Variants in C22orf39 observed in about 807,000 individuals in gnomAD.
The protein encoded by C22orf39 is synaptic plasticity regulator PANTS.
Under a neutral mutation model 18.3 loss-of-function variants are expected in C22orf39, and 20 were observed. That is an observed-to-expected ratio of 1.09 (90% CI 0.77 to 1.59). The LOEUF is 1.59. Among genes scored for constraint, C22orf39 ranks in the 40% most tolerant of loss-of-function variants. C22orf39 has a pLI of 0.00. For synonymous variants in C22orf39, 63 were observed against 59.6 expected (o/e 1.06, Z -0.26); for missense variants, 195 against 156.1 (o/e 1.25, Z -1.33).
At chr22:19,447,241 CAAAAG>C (rs981018524) in intron 2 of C22orf39, 132 bp downstream of exon 2, 73 of 979,612 alleles carry the variant, frequency 7.5e-5, no homozygotes, top group Middle Eastern at 3.4e-4. Context: ...CACAATCTCT[CAAAAG>C]AAAGGAAGCG....
chr22:19,446,496 G>A (rs1235703629), intron 2 of C22orf39, among the ~76,000 whole-genome samples: 2 of 151,976 alleles, frequency 1.3e-5, no homozygotes, highest in South Asian at 4.2e-4. Context: ...TCCCACAAGG[G>A]GTCCACCGTA....
At chr22:19,444,519 C>CTGTGCT in intron 2 of C22orf39, 129 bp from the exon 3 acceptor site, 1 of 891,360 alleles carries the variant, frequency 1.1e-6, no homozygotes, top group Non-Finnish European at 1.6e-6. Flanking sequence ...CACTCTGCAG[C>CTGTGCT]ACAGCTGCTT....
chr22:19,447,327 C>T, intron 2 of C22orf39, 51 bp downstream of exon 2: 2 of 1,400,336 alleles, frequency 1.4e-6, no homozygotes, highest in Middle Eastern at 2.6e-4. Flanking sequence ...GTGGGGAAAG[C>T]TGGGCCCCGC....
chr22:19,444,493 G>A, intron 2 of C22orf39, 103 bp from the exon 3 acceptor site: 1 of 1,291,854 alleles, frequency 7.7e-7, no homozygotes, highest in Non-Finnish European at 1.1e-6. Flanking sequence ...GGACAGGCAG[G>A]GCCTATGGTA....
rs2089615051 is a variant in C22orf39, at chr22:19,441,923, T to C, written c.*2342A>G. On this transcript the variant is annotated 3_prime_UTR_variant, in exon 3 of 3. Coordinates refer to ENST00000399562, the MANE Select transcript of C22orf39 (RefSeq NM_173793.5). ...AATCCTCCTATCTCAGCCTCCGAAG[T>C]AGCTGGAACTACAAATGCACGCCAC... The C allele has an allele frequency of 4.1e-6, 2 of 492,716 alleles. No individual in the cohort carries two copies. Among genetic ancestry groups the C allele is most frequent in the African/African-American group, 2.0e-5 (1 of 49,530 alleles). 30.5% of individuals were successfully genotyped at this position (492,716 alleles called of 1,614,324 possible).
In C22orf39 at chr22:19,447,369, C is replaced by A. The variant is rs889037955; in HGVS notation, c.192+9G>T. 3 of 1,483,154 alleles carry A rather than the reference C, an allele frequency of 2.0e-6. No individual in the cohort carries two copies. Among genetic ancestry groups the A allele is most frequent in the African/African-American group, 2.9e-5 (2 of 68,380 alleles). The allele number at this position is 1,483,154 out of a possible 1,614,324, so 91.9% of individuals were successfully genotyped here. ...CTCCGAAGCGCCGCCCCGCTCCCTC[C>A]CGGCGCACCTGGGCCTCGGCGTTCC... On this transcript the variant is annotated intron_variant, in intron 2 of 2. Coordinates refer to ENST00000399562, the MANE Select transcript of C22orf39 (RefSeq NM_173793.5).
At chr22:19,444,677 A>G (rs2089631255) in intron 2 of C22orf39, among the ~76,000 whole-genome samples, 1 of 152,186 alleles carries the variant, frequency 6.6e-6, no homozygotes, top group Non-Finnish European at 1.5e-5. Flanking sequence ...TCAGGGCTCA[A>G]TGGCTCTGGT....
intron 2 of C22orf39, among the ~76,000 whole-genome samples, chr22:19,446,267 A>T (rs1415378766): frequency 1.3e-5 from 2 of 152,194 alleles, no homozygotes; most frequent in African/African-American, 4.8e-5. Flanking sequence ...ATCTCTTGCT[A>T]TATAAGCTGT....
rs551913292 is a variant in C22orf39 at position 19,444,105 on chromosome 22, G to C, written c.*160C>G. Reference sequence around the variant, plus strand: ...AGGGTATCCTGCATGCAGGTGAGGGGTGGGCAAGTAGGGCTAGCAATGTCC... The same window carrying C: ...AGGGTATCCTGCATGCAGGTGAGGGCTGGGCAAGTAGGGCTAGCAATGTCC... On this transcript the variant is annotated 3_prime_UTR_variant, in exon 3 of 3. Coordinates refer to ENST00000399562, the MANE Select transcript of C22orf39 (RefSeq NM_173793.5). 76 of 1,354,944 alleles carry C rather than the reference G, an allele frequency of 5.6e-5. No homozygotes were observed. The highest frequency in any genetic ancestry group is 6.9e-5 in the Non-Finnish European group (73 of 1,062,010). The allele number at this position is 1,354,944 out of a possible 1,614,324, so 83.9% of individuals were successfully genotyped here. A position where few individuals can be genotyped will look rare whatever the true frequency, so the allele number is the denominator to read the frequency against.
rs2089625997 is a variant in C22orf39, at chr22:19,443,829, G to A, written c.*436C>T. The A allele has an allele frequency of 3.0e-5, 30 of 986,002 alleles. No homozygotes were observed. The highest frequency in any genetic ancestry group is 3.1e-5 in the Non-Finnish European group (26 of 830,814). 61.1% of individuals were successfully genotyped at this position (986,002 alleles called of 1,614,324 possible). ...TGCTCACCAAACCTGGGACGTGGCAGGCAGTTTCCCAAGGACTAGGAAAGA... is the reference window on the plus strand; with the variant it reads ...TGCTCACCAAACCTGGGACGTGGCAAGCAGTTTCCCAAGGACTAGGAAAGA... On this transcript the variant is annotated 3_prime_UTR_variant, in exon 3 of 3. Coordinates refer to ENST00000399562, the MANE Select transcript of C22orf39 (RefSeq NM_173793.5).
chr22:19,442,013 A>G lies in C22orf39; in HGVS notation c.*2252T>C, dbSNP rs1400161589. ...GTTACGTTGCCCAGGCTGGTCTCGA[A>G]CTCCTGGGCTCAAGCAATCCTCCCA... On this transcript the variant is annotated 3_prime_UTR_variant, in exon 3 of 3. Transcript: ENST00000399562. 4 of 210,102 alleles carry G rather than the reference A, an allele frequency of 1.9e-5. No homozygotes were observed. Among genetic ancestry groups the G allele is most frequent in the Non-Finnish European group, 3.8e-5 (4 of 105,142 alleles). The allele number at this position is 210,102 out of a possible 1,614,324, so 13.0% of individuals were successfully genotyped here.
rs775827675 is a variant in C22orf39, at chr22:19,443,849, G to C, written c.*416C>G. ...TGGCAGGCAGTTTCCCAAGGACTAG[G>C]AAAGACATTCACAGTGGCACAACTG... On this transcript the variant is annotated 3_prime_UTR_variant, in exon 3 of 3. Transcript: ENST00000399562. 29 of 988,052 alleles carry C rather than the reference G, an allele frequency of 2.9e-5. No homozygotes were observed. The highest frequency in any genetic ancestry group is 3.5e-5 in the Non-Finnish European group (29 of 832,230). The allele number at this position is 988,052 out of a possible 1,614,324, so 61.2% of individuals were successfully genotyped here. A position where few individuals can be genotyped will look rare whatever the true frequency, so the allele number is the denominator to read the frequency against.
Position 19,442,656 on chromosome 22 carries a change from CCT to C in C22orf39, c.*1607_*1608del, listed in dbSNP as rs1020746403. 2.0e-5 allele frequency: 3 copies of C among 152,280 alleles called. No homozygotes were observed. Among genetic ancestry groups the C allele is most frequent in the Non-Finnish European group, 4.4e-5 (3 of 68,088 alleles). 9.4% of individuals were successfully genotyped at this position (152,280 alleles called of 1,614,324 possible). A position where few individuals can be genotyped will look rare whatever the true frequency, so the allele number is the denominator to read the frequency against. ...CGATCTCAGCTCACTGCAACCTCTGCCTCTGGGGTTCAAGCAATTCTCCTGTC... is the reference window on the plus strand; with the variant it reads ...CGATCTCAGCTCACTGCAACCTCTGCCTGGGGTTCAAGCAATTCTCCTGTC... On this transcript the variant is annotated 3_prime_UTR_variant, in exon 3 of 3. Transcript: ENST00000399562.
Position 19,447,499 on chromosome 22 carries a change from C to T in C22orf39, c.71G>A (p.Arg24His). ...EAYRAEWKLCRSARHFLHHYY... is the reference protein window; with the variant it reads ...EAYRAEWKLCHSARHFLHHYY... ...GTGGTGTAGGAAGTGCCTGGCGCTG[C>T]GGCAGAGCTTCCACTCGGCGCGGTA... Residue 24 changes from arginine to histidine, a missense_variant, in exon 2 of 3, where the codon CGC (arginine) becomes CAC (histidine). Arg to His is a conservative substitution (Grantham distance 29, BLOSUM62 0). Transcript: ENST00000399562. 2 of 1,495,504 alleles carry T rather than the reference C, an allele frequency of 1.3e-6. No homozygotes were observed. The highest frequency in any genetic ancestry group is 1.3e-5 in the South Asian group (1 of 78,528). The allele number at this position is 1,495,504 out of a possible 1,614,324, so 92.6% of individuals were successfully genotyped here. A position where few individuals can be genotyped will look rare whatever the true frequency, so the allele number is the denominator to read the frequency against.
rs1367272040 is a variant in C22orf39 at position 19,441,887 on chromosome 22, T to C, written c.*2378A>G. The C allele has an allele frequency of 1.6e-6, 1 of 622,842 alleles. No homozygotes were observed. The highest frequency in any genetic ancestry group is 2.6e-6 in the Non-Finnish European group (1 of 379,428). The allele number at this position is 622,842 out of a possible 1,614,324, so 38.6% of individuals were successfully genotyped here. ...ATGGCTCACTGCAGCCTCAAACTCC[T>C]GGGCTCAAACAATCCTCCTATCTCA... On this transcript the variant is annotated 3_prime_UTR_variant, in exon 3 of 3. Transcript: ENST00000399562.
chr22:19,447,379 T>TGG lies in C22orf39; in HGVS notation c.189_190dup (p.Gln64ProfsTer106). 2 of 1,495,616 alleles carry TGG rather than the reference T, an allele frequency of 1.3e-6. No individual in the cohort carries two copies. The highest frequency in any genetic ancestry group is 1.8e-6 in the Non-Finnish European group (2 of 1,129,710). The allele number at this position is 1,495,616 out of a possible 1,614,324, so 92.6% of individuals were successfully genotyped here. A position where few individuals can be genotyped will look rare whatever the true frequency, so the allele number is the denominator to read the frequency against. On this transcript the variant is annotated frameshift_variant and splice_region_variant, in exon 2 of 3. Coordinates refer to ENST00000399562, the MANE Select transcript of C22orf39 (RefSeq NM_173793.5). LOFTEE classifies it high-confidence loss of function. ...CCGCCCCGCTCCCTCCCGGCGCACC[T>TGG]GGGCCTCGGCGTTCCGGCGCTCCTC... is the stretch of plus-strand genomic sequence containing the variant.
Position 19,441,826 on chromosome 22 carries a change from T to G in C22orf39, c.*2439A>C, listed in dbSNP as rs1338872538. On this transcript the variant is annotated 3_prime_UTR_variant, in exon 3 of 3. Transcript: ENST00000399562. Reference sequence around the variant, plus strand: ...TATTTATTTTGAGACAGGATATTGCTCTGTCACCCAGGTTGAAGTGCAGTG... The same window carrying G: ...TATTTATTTTGAGACAGGATATTGCGCTGTCACCCAGGTTGAAGTGCAGTG... The G allele has an allele frequency of 8.0e-7, 1 of 1,255,604 alleles. No homozygotes were observed. Among genetic ancestry groups the G allele is most frequent in the African/African-American group, 1.5e-5 (1 of 65,978 alleles). 77.8% of individuals were successfully genotyped at this position (1,255,604 alleles called of 1,614,324 possible).
At chr22:19,444,987 T>C (rs2146277245) in intron 2 of C22orf39, among the ~76,000 whole-genome samples, 1 of 152,336 alleles carries the variant, frequency 6.6e-6, no homozygotes, top group East Asian at 1.9e-4. Context: ...GGGTGACCTT[T>C]GCTGTCAGCC....
At chr22:19,444,447 T>C (rs902105197) in intron 2 of C22orf39, 57 bp from the exon 3 acceptor site, 1 of 1,547,892 alleles carries the variant, frequency 6.5e-7, no homozygotes, top group African/African-American at 1.4e-5. Context: ...AAGACCCCTG[T>C]ACCTCCCCCC....
Sources: gnomAD v4.1 joint callset for allele counts (sites outside exome capture counted in the v4.1 genomes callset) on GRCh38, gnomAD v4.1.1 for gene constraint, MANE v1.5 for transcripts, NCBI Gene and HGNC (gene_info 2026-07-23, HGNC 2026-07-21) for gene names.